The following TBC1D9 variants were observed in gnomAD, a reference collection of about 807,000 sequenced individuals.
TBC1D9 encodes the protein TBC1 domain family member 9.
A neutral mutation model predicts 132.0 loss-of-function variants in TBC1D9; 63 were observed. The ratio of observed to expected loss-of-function variants is 0.48; its 90% confidence interval spans 0.39 to 0.59. The LOEUF (loss-of-function observed/expected upper bound fraction) is 0.59. Among genes scored for constraint, TBC1D9 ranks in the 20% least tolerant of loss-of-function variants. TBC1D9 has a pLI of 0.00. For synonymous variants in TBC1D9, 610 were observed against 609.9 expected, an observed-to-expected ratio of 1.00 and a Z score of 0.00; for missense variants, 1,261 against 1,592.7, an observed-to-expected ratio of 0.79 and a Z score of 3.54.
chr4:140,634,178 A>G lies in TBC1D9; in HGVS notation c.2516T>C (p.Leu839Pro). The change falls in exon 16 of 21, where the codon CTC becomes CCC. Residue 839 changes from leucine (L) to proline (P), a missense_variant. Around this residue, in one of 3 missense-constraint regions of TBC1D9, gnomAD observed 618 missense variants for 724.4 expected, o/e 0.85. Transcript: ENST00000442267. ...GCTCCCGCCCCAGTAGCAGCTGGTGAGATGTTCTGCCTGAAAAAGAATGGA... is the reference window on the plus strand; with the variant it reads ...GCTCCCGCCCCAGTAGCAGCTGGTGGGATGTTCTGCCTGAAAAAGAATGGA... ...ELYALFKAEH[L>P]TSCYWGGSSN... is the part of the protein sequence containing the mutation. 1.2e-5 allele frequency: 19 copies of G among 1,612,870 alleles called. No homozygotes were observed. Among genetic ancestry groups the G allele is most frequent in the Non-Finnish European group, 1.6e-5 (19 of 1,179,820 alleles).
At chr4:140,631,764 T>A (rs963027695) in intron 16 of TBC1D9, among the ~76,000 whole-genome samples, 7 of 151,964 alleles carry the variant, frequency 4.6e-5, no homozygotes. Context: ...GCCTGGCTAA[T>A]TTTTGTATTT....
chr4:140,652,273 T>C (rs1737198523), intron 13 of TBC1D9, among the ~76,000 whole-genome samples: 1 of 151,572 alleles, frequency 6.6e-6, no homozygotes, highest in African/African-American at 2.4e-5. Flanking sequence ...ATTTTGTTAA[T>C]ACATGAATAG....
intron 1 of TBC1D9, among the ~76,000 whole-genome samples, chr4:140,737,541 G>A (rs1194916476): frequency 6.6e-6 from 1 of 151,834 alleles, no homozygotes; most frequent in Non-Finnish European, 1.5e-5. Context: ...TAAGAGCTGT[G>A]GTTGAAGGGA....
intron 1 of TBC1D9, among the ~76,000 whole-genome samples, chr4:140,737,709 T>C (rs890316560): frequency 1.3e-5 from 2 of 152,212 alleles, no homozygotes; most frequent in Non-Finnish European, 2.9e-5. Flanking sequence ...CTGGAAATGA[T>C]ATAAGATGTC....
chr4:140,665,254 T>C lies in TBC1D9; in HGVS notation c.1589-3147A>G, dbSNP rs1238188604. On this transcript the variant is annotated intron_variant, in intron 9 of 20. Coordinates refer to ENST00000442267, the MANE Select transcript of TBC1D9 (RefSeq NM_015130.3). ...AAAAAATAGACAAATTGTATTTCAT[T>C]AAAATTAAATTTTTTTGTGCTTCGA... Among the ~76,000 whole-genome samples the C allele has an allele frequency of 3.9e-5, 6 of 152,178 alleles. No homozygotes were observed. The East Asian group carries it at 1.2e-3, about 29-fold the overall frequency.
At chr4:140,733,427 C>T (rs1038361134) in intron 1 of TBC1D9, among the ~76,000 whole-genome samples, 12 of 152,170 alleles carry the variant, frequency 7.9e-5, no homozygotes, top group African/African-American at 2.9e-4. Flanking sequence ...ATGTTTTCTA[C>T]ACCCTTCAGG....
intron 1 of TBC1D9, among the ~76,000 whole-genome samples, chr4:140,736,506 C>T (rs1372894352): frequency 6.6e-6 from 1 of 152,020 alleles, no homozygotes; most frequent in Non-Finnish European, 1.5e-5. Flanking sequence ...TGCCGCTGTA[C>T]TCCACCCTGG....
chr4:140,729,166 A>G (rs779452502), intron 1 of TBC1D9, among the ~76,000 whole-genome samples: 40 of 152,192 alleles, frequency 2.6e-4, no homozygotes, highest in Non-Finnish European at 4.4e-4. Flanking sequence ...CTGAAGGTTG[A>G]CATTTCACGT....
rs1333957371 is a variant in TBC1D9 at position 140,756,249 on chromosome 4, G to A, written c.-204C>T. The A allele has an allele frequency of 1.9e-5, 6 of 321,712 alleles. No homozygotes were observed. The highest frequency in any genetic ancestry group is 6.5e-5 in the African/African-American group (3 of 45,872). 19.9% of individuals were successfully genotyped at this position (321,712 alleles called of 1,614,324 possible). ...CCCCAGCAGGCGGCCCGGGAGGACG[G>A]TGAGGACGCGGGCGCGGCAAGCAGC... On this transcript the variant is annotated 5_prime_UTR_variant, in exon 1 of 21. Transcript: ENST00000442267. The surrounding 1 kb of genome is among the most constrained non-coding windows in gnomAD (Gnocchi z 5.6).
chr4:140,657,808 T>C lies in TBC1D9; in HGVS notation c.1926A>G (p.Ala642=). 2 of 1,611,004 alleles carry C rather than the reference T, an allele frequency of 1.2e-6. No homozygotes were observed. Among genetic ancestry groups the C allele is most frequent in the Non-Finnish European group, 1.7e-6 (2 of 1,178,376 alleles). Residue 642 remains alanine (A), a synonymous_variant, in exon 12 of 21, where the codon GCA becomes GCG. Transcript: ENST00000442267. ...PDYYNTRVVG[A]LVDQGVFEEL... The stretch of plus-strand genomic sequence containing the variant: ...CCTCAAAGACACCTTGGTCCACCAG[T>C]GCACCTGTGGCAGCGATGTATACAA...
intron 3 of TBC1D9, among the ~76,000 whole-genome samples, chr4:140,682,910 G>T (rs1222555612): frequency 3.3e-5 from 5 of 152,120 alleles, no homozygotes; most frequent in Non-Finnish European, 7.4e-5. Flanking sequence ...TTTCGAGATG[G>T]AGTTTTGCTC....
intron 13 of TBC1D9, among the ~76,000 whole-genome samples, chr4:140,647,190 A>G (rs988194297): frequency 2.4e-4 from 37 of 152,218 alleles, no homozygotes; most frequent in African/African-American, 8.4e-4. Context: ...GGACATTAAC[A>G]TGCCATCTCA....
rs749048911 is a variant in TBC1D9 at position 140,669,640 on chromosome 4, C to T, written c.1431G>A (p.Pro477=). 74 of 1,603,294 alleles carry T rather than the reference C, an allele frequency of 4.6e-5. 1 individual carries two copies. Among genetic ancestry groups the T allele is most frequent in the Non-Finnish European group, 5.4e-5 (63 of 1,171,340 alleles). Residue 477 remains proline, a synonymous_variant, in exon 8 of 21, where the codon CCG becomes CCA. Transcript: ENST00000442267. ...AAAAGTGAGAGGCACCCACCAATTT[C>T]GGGTTGAACTCCTCGGGAGACCGCC... ...YRRRSPEEFN[P]KLAKEFLKEQ...
At chr4:140,698,875 G>A (rs550115026) in intron 2 of TBC1D9, among the ~76,000 whole-genome samples, 43 of 152,278 alleles carry the variant, frequency 2.8e-4, no homozygotes, top group Admixed American at 5.9e-4. Flanking sequence ...AATTCTGCAG[G>A]AGGCTAGCCT....
chr4:140,642,864 G>C (rs1470444358), intron 13 of TBC1D9: 4 of 573,100 alleles, frequency 7.0e-6, no homozygotes, highest in Non-Finnish European at 1.2e-5. Flanking sequence ...CTGTTTCCAC[G>C]GCCTGCGTGC....
intron 1 of TBC1D9, among the ~76,000 whole-genome samples, chr4:140,730,438 C>T (rs13123638): frequency 0.29 from 43,354 of 152,104 alleles, 7,325 homozygotes; most frequent in South Asian, 0.43. Flanking sequence ...AGAAACAGGA[C>T]ATGGGCCGGG....
chr4:140,640,795 C>A (rs80259784), intron 13 of TBC1D9, among the ~76,000 whole-genome samples: 36 of 151,892 alleles, frequency 2.4e-4, no homozygotes, highest in African/African-American at 7.0e-4. Flanking sequence ...TTGCTACAAC[C>A]GTTCTGAAAA....
At chr4:140,740,529 C>A (rs544938971) in intron 1 of TBC1D9, among the ~76,000 whole-genome samples, 2 of 152,210 alleles carry the variant, frequency 1.3e-5, no homozygotes, top group Non-Finnish European at 2.9e-5. Context: ...CAAACATTCA[C>A]CTTATCTTAT....
At chr4:140,739,285 A>G (rs970618771) in intron 1 of TBC1D9, among the ~76,000 whole-genome samples, 1 of 152,174 alleles carries the variant, frequency 6.6e-6, no homozygotes, top group Non-Finnish European at 1.5e-5. Flanking sequence ...CACCTGGCTC[A>G]AAACTGAATT....
Sources: gnomAD v4.1 joint callset for allele counts (sites outside exome capture counted in the v4.1 genomes callset) on GRCh38, gnomAD v4.1.1 for gene constraint, gnomAD v4.1.1 regional missense constraint, Gnocchi (gnomAD v3.1) non-coding constraint, MANE v1.5 for transcripts, NCBI Gene and HGNC (gene_info 2026-07-23, HGNC 2026-07-21) for gene names.